Variants in KLKB1 observed in about 807,000 individuals in gnomAD.
KLKB1 encodes the protein plasma kallikrein.
Under a neutral mutation model 73.6 loss-of-function variants are expected in KLKB1, and 58 were observed. The ratio of observed to expected loss-of-function variants is 0.79; its 90% CI spans 0.64 to 0.98. The LOEUF is 0.98. KLKB1 is among the 50% of genes least tolerant of loss of function. KLKB1 has a pLI of 0.00. For synonymous variants in KLKB1, 280 were observed against 258.1 expected, an observed-to-expected ratio of 1.08 and a Z score of -0.81; for missense variants, 737 against 763.8, an observed-to-expected ratio of 0.96 and a Z score of 0.41.
At position 186,251,617 on chromosome 4, in the gene KLKB1, T is replaced by C. The variant is rs750229464; in HGVS notation, c.999T>C (p.Tyr333=). 4 of 1,614,188 alleles carry C rather than the reference T, an allele frequency of 2.5e-6. No homozygotes were observed. The Admixed American group carries it at 5.0e-5, about 20-fold the overall frequency. ...TGATTCGCTGTCAGTTTTTCACTTA[T>C]TCTTTACTCCCAGAAGACTGTAAGG... ...TKMIRCQFFT[Y]SLLPEDCKEE... The change falls in exon 9 of 15, where the codon TAT becomes TAC. Residue 333 remains tyrosine, a synonymous_variant. Transcript: ENST00000264690.
At chr4:186,245,823 G>GTTTTTTTTTTTTTTTTTTTTTTTTTT (rs1561460148) in intron 6 of KLKB1, among the ~76,000 whole-genome samples, 2 of 48,602 alleles carry the variant, frequency 4.1e-5, no homozygotes, top group Non-Finnish European at 1.2e-4. Context: ...TTTGTTTTTT[G>GTTTTTTTTTTTTTTTTTTTTTTTTTT]GTTTTTTTTT....
chr4:186,251,369 A>ATTTT (rs1738665343), intron 8 of KLKB1, 41 bp downstream of exon 8: 1 of 1,520,228 alleles, frequency 6.6e-7, no homozygotes, highest in African/African-American at 1.4e-5. Context: ...AATGTAACCT[A>ATTTT]TTTCATGACT....
chr4:186,257,438 C>A, intron 14 of KLKB1, 73 bp downstream of exon 14: 3 of 1,385,194 alleles, frequency 2.2e-6, no homozygotes, highest in Non-Finnish European at 2.9e-6. Flanking sequence ...TTTCCAATAG[C>A]ATAATTCAAT....
intron 2 of KLKB1, among the ~76,000 whole-genome samples, chr4:186,229,372 C>G (rs1160149396): frequency 2.0e-5 from 3 of 152,128 alleles, no homozygotes; most frequent in African/African-American, 7.2e-5. Flanking sequence ...TCTACATATA[C>G]CTATTTGCAC....
Position 186,252,109 on chromosome 4 carries a change from A to G in KLKB1, c.1237A>G (p.Thr413Ala). The change falls in exon 11 of 15, where the codon ACA (threonine) becomes GCA (alanine). Residue 413 changes from threonine to alanine, a missense_variant. Coordinates refer to ENST00000264690, the MANE Select transcript of KLKB1 (RefSeq NM_000892.5). ...PWQVSLQVKL[T>A]AQRHLCGGSL... ...GCAGGTGAGCCTGCAGGTGAAGCTG[A>G]CAGCTCAGAGGCACCTGTGTGGAGG... 1 of 1,614,054 alleles carries G rather than the reference A, an allele frequency of 6.2e-7. No homozygotes were observed. Among genetic ancestry groups the G allele is most frequent in the Non-Finnish European group, 8.5e-7 (1 of 1,180,024 alleles).
chr4:186,239,726 TGTTATA>T (rs1386531874), intron 6 of KLKB1, among the ~76,000 whole-genome samples: 3 of 61,468 alleles, frequency 4.9e-5, no homozygotes, highest in African/African-American at 2.6e-4. Context: ...ACAGTGATAT[TGTTATA>T]GTTATAGGAA....
At chr4:186,235,855 C>T (rs911613258) in intron 4 of KLKB1, among the ~76,000 whole-genome samples, 1 of 151,978 alleles carries the variant, frequency 6.6e-6, no homozygotes, top group Non-Finnish European at 1.5e-5. Context: ...GTGGCTCACG[C>T]CTGTAATCCC....
chr4:186,250,282 A>G lies in KLKB1; in HGVS notation c.638A>G (p.Asp213Gly). The change falls in exon 7 of 15, where the codon GAT (aspartate) becomes GGT (glycine). Residue 213 changes from aspartate to glycine, a missense_variant. By Grantham distance (94) the Asp-to-Gly change is moderately conservative. Coordinates refer to ENST00000264690, the MANE Select transcript of KLKB1 (RefSeq NM_000892.5). ...ATCTTCCAGCATCTTGCGTTCTCAG[A>G]TGTGGATGTTGCCAGGGTTCTCACT... ...MNIFQHLAFS[D>G]VDVARVLTPD... The G allele has an allele frequency of 6.2e-7, 1 of 1,614,156 alleles. No individual in the cohort carries two copies. The highest frequency in any genetic ancestry group is 8.5e-7 in the Non-Finnish European group (1 of 1,179,992).
intron 6 of KLKB1, among the ~76,000 whole-genome samples, chr4:186,239,509 A>G (rs1187176351): frequency 7.0e-6 from 1 of 142,670 alleles, no homozygotes; most frequent in Non-Finnish European, 1.5e-5. Flanking sequence ...TTATAGGTAC[A>G]GTGATATAGG....
chr4:186,237,711 G>A (rs1205713043), intron 5 of KLKB1, among the ~76,000 whole-genome samples: 1 of 151,816 alleles, frequency 6.6e-6, no homozygotes, highest in Non-Finnish European at 1.5e-5. Context: ...GTGTAATTTT[G>A]TTACTTTGAT....
chr4:186,251,512 G>C lies in KLKB1; in HGVS notation c.894G>C (p.Pro298=). 2 of 1,613,900 alleles carry C rather than the reference G, an allele frequency of 1.2e-6. No individual in the cohort carries two copies. Among genetic ancestry groups the C allele is most frequent in the Non-Finnish European group, 1.7e-6 (2 of 1,179,902 alleles). The change falls in exon 9 of 15, where the codon CCG becomes CCC. Residue 298 remains proline (P), a synonymous_variant. Coordinates refer to ENST00000264690, the MANE Select transcript of KLKB1 (RefSeq NM_000892.5). ...LPEPCHSKIY[P]GVDFGGEELN... is the part of the protein sequence containing the mutation. ...AACCCTGCCATTCTAAAATTTACCC[G>C]GGAGTTGACTTTGGAGGAGAAGAAT...
At chr4:186,215,415 CT>C (rs1736870797) in intron 2 of KLKB1, among the ~76,000 whole-genome samples, 1 of 11,872 alleles carries the variant, frequency 8.4e-5, no homozygotes, top group Non-Finnish European at 3.1e-4. Context: ...CTTGCTTTCT[CT>C]CTTGCTTTCT....
At chr4:186,252,474 C>A (rs918935213) in intron 11 of KLKB1, among the ~76,000 whole-genome samples, 16 of 151,862 alleles carry the variant, frequency 1.1e-4, no homozygotes, top group African/African-American at 3.4e-4. Context: ...AATCCCACCA[C>A]CAATTCCACC....
intron 12 of KLKB1, among the ~76,000 whole-genome samples, chr4:186,255,215 G>A (rs1038211505): frequency 6.6e-6 from 1 of 152,114 alleles, no homozygotes; most frequent in African/African-American, 2.4e-5. Context: ...GTGGTCAGAG[G>A]TGTTGCCTTT....
chr4:186,227,148 A>G (rs1197455297), upstream of KLKB1, among the ~76,000 whole-genome samples: 2 of 152,180 alleles, frequency 1.3e-5, no homozygotes, highest in African/African-American at 4.8e-5. Context: ...CCAGGCTTGA[A>G]GGTGAGATGA....
Position 186,254,675 on chromosome 4 carries a change from A to T in KLKB1, c.1401A>T (p.Lys467Asn). 2 of 1,613,500 alleles carry T rather than the reference A, an allele frequency of 1.2e-6. No individual in the cohort carries two copies. Among genetic ancestry groups the T allele is most frequent in the Non-Finnish European group, 1.7e-6 (2 of 1,179,378 alleles). The change falls in exon 12 of 15, where the codon AAA (lysine) becomes AAT (asparagine). Residue 467 changes from lysine to asparagine, a missense_variant. Coordinates refer to ENST00000264690, the MANE Select transcript of KLKB1 (RefSeq NM_000892.5). ...ITKDTPFSQI[K>N]EIIIHQNYKV... Reference sequence around the variant, plus strand: ...AAGATACACCTTTCTCACAAATAAAAGAGATTATTATTCACCAAAACTATA... The same window carrying T: ...AAGATACACCTTTCTCACAAATAAATGAGATTATTATTCACCAAAACTATA...
Position 186,251,209 on chromosome 4 carries a change from A to T in KLKB1, c.759-10A>T, listed in dbSNP as rs780041039. 6 of 1,570,292 alleles carry T rather than the reference A, an allele frequency of 3.8e-6. No individual in the cohort carries two copies. In the African/African-American group the frequency reaches 8.2e-5, roughly 21 times the overall value. On this transcript the variant is annotated splice_polypyrimidine_tract_variant and intron_variant, in intron 7 of 14. Transcript: ENST00000264690. ...TTTCTTTCTCTCTTGCTTTTTTTTA[A>T]AAAAAATAGAAATGTTTGTCTTCTT...
chr4:186,248,771 A>G (rs1487775604), intron 6 of KLKB1, among the ~76,000 whole-genome samples: 1 of 152,152 alleles, frequency 6.6e-6, no homozygotes, highest in African/African-American at 2.4e-5. Flanking sequence ...GAGAGCAGCT[A>G]CACAATGTTA....
intron 6 of KLKB1, among the ~76,000 whole-genome samples, chr4:186,239,642 G>T (rs1203166619): frequency 7.0e-6 from 1 of 142,566 alleles, no homozygotes; most frequent in African/African-American, 2.5e-5. Flanking sequence ...TAGAGTTATA[G>T]GTACAGTGAT....
Sources: allele counts gnomAD v4.1 joint callset (sites outside exome capture counted in the v4.1 genomes callset), GRCh38; gene constraint gnomAD v4.1.1; transcripts MANE v1.5; gene names NCBI Gene and HGNC (gene_info 2026-07-23, HGNC 2026-07-21).